Variants in NIN observed in about 807,000 individuals in gnomAD.
NIN encodes the protein ninein.
In NIN, 137 loss-of-function variants were observed where a neutral mutation model predicts 257.6. The ratio of observed to expected loss-of-function variants is 0.53; its 90% CI spans 0.46 to 0.61. The LOEUF (loss-of-function observed/expected upper bound fraction) is 0.61. NIN is among the 20% of genes least tolerant of loss of function. The pLI, the probability that NIN is intolerant of heterozygous loss-of-function variation, is 0.00. For synonymous variants in NIN, 918 were observed against 919.8 expected (o/e 1.00, Z 0.04); for missense variants, 2,439 against 2,501.2 (o/e 0.98, Z 0.53).
At chr14:50,812,972 T>C (rs1368322584) in intron 3 of NIN, among the ~76,000 whole-genome samples, 1 of 152,224 alleles carries the variant, frequency 6.6e-6, no homozygotes, top group Non-Finnish European at 1.5e-5. Flanking sequence ...TTTTCCTTCT[T>C]GCAAGTGTAG....
intron 8 of NIN, 60 bp downstream of exon 8, chr14:50,772,889 C>T (rs542325169): frequency 2.9e-6 from 4 of 1,383,716 alleles, no homozygotes; most frequent in East Asian, 4.6e-5. Context: ...ATTTATTAGA[C>T]ATTACTTAAA....
intron 30 of NIN, 132 bp from the exon 31 acceptor site, chr14:50,723,804 C>T: frequency 1.4e-6 from 1 of 713,840 alleles, no homozygotes; most frequent in Non-Finnish European, 2.3e-6. Flanking sequence ...TTTTATTTTA[C>T]AAAATAGCTT....
chr14:50,802,318 G>T (rs1230760645), intron 4 of NIN, among the ~76,000 whole-genome samples: 1 of 152,038 alleles, frequency 6.6e-6, no homozygotes, highest in Admixed American at 6.6e-5. Flanking sequence ...GGGGAAAAAC[G>T]CTAAGATTCT....
At chr14:50,775,945 C>A (rs764664262) in intron 7 of NIN, among the ~76,000 whole-genome samples, 9 of 151,524 alleles carry the variant, frequency 5.9e-5, no homozygotes, top group Non-Finnish European at 1.3e-4. Flanking sequence ...GGGAAAACAA[C>A]AAAAAAAATT....
At chr14:50,759,550 G>A (rs1343613678) in intron 17 of NIN, among the ~76,000 whole-genome samples, 2 of 150,816 alleles carry the variant, frequency 1.3e-5, no homozygotes, top group Non-Finnish European at 2.9e-5. Context: ...CTGGAGTGCA[G>A]TAGCGCGATC....
intron 12 of NIN, among the ~76,000 whole-genome samples, chr14:50,767,091 T>C (rs1254813344): frequency 6.6e-6 from 1 of 152,238 alleles, no homozygotes; most frequent in East Asian, 1.9e-4. Context: ...TGCCCTTTTG[T>C]TTTTGACCAC....
chr14:50,777,856 C>T (rs2141875565), intron 6 of NIN, among the ~76,000 whole-genome samples: 1 of 152,328 alleles, frequency 6.6e-6, no homozygotes, highest in East Asian at 1.9e-4. Context: ...TCTGTAAAGT[C>T]ATTACTTAAA....
intron 24 of NIN, chr14:50,742,076 T>C: frequency 5.2e-6 from 1 of 190,556 alleles, no homozygotes; most frequent in South Asian, 1.5e-4. Context: ...GATGTTGGAC[T>C]GTAAAGGACC....
At chr14:50,780,369 T>C (rs1214232944) in intron 5 of NIN, among the ~76,000 whole-genome samples, 1 of 152,236 alleles carries the variant, frequency 6.6e-6, no homozygotes, top group African/African-American at 2.4e-5. Flanking sequence ...CAAGACTAGT[T>C]GATTGCTTAG....
intron 15 of NIN, 37 bp downstream of exon 15, chr14:50,763,789 T>C (rs1218814076): frequency 1.1e-5 from 17 of 1,580,110 alleles, no homozygotes; most frequent in Admixed American, 5.1e-5. Flanking sequence ...AAAACAAGAG[T>C]AAAGGCTTTA....
chr14:50,743,251 G>A (rs2041374979), intron 24 of NIN, among the ~76,000 whole-genome samples, 165 bp downstream of exon 24: 1 of 151,984 alleles, frequency 6.6e-6, no homozygotes, highest in Non-Finnish European at 1.5e-5. Context: ...GAGCCACCAT[G>A]CCCAGCCTTG....
chr14:50,813,632 C>A (rs996296527), intron 3 of NIN, among the ~76,000 whole-genome samples: 5 of 152,130 alleles, frequency 3.3e-5, no homozygotes, highest in Admixed American at 1.3e-4. Flanking sequence ...ACCACACACA[C>A]AAAAAAACCC....
At chr14:50,744,142 A>G in intron 23 of NIN, 101 bp downstream of exon 23, 2 of 1,310,578 alleles carry the variant, frequency 1.5e-6, no homozygotes, top group Non-Finnish European at 2.1e-6. Context: ...CTCTGGAACA[A>G]CAGACTACCA....
chr14:50,761,838 TTC>T lies in NIN; in HGVS notation c.1846_1847del (p.Glu616ThrfsTer16). The T allele has an allele frequency of 6.2e-7, 1 of 1,614,202 alleles. No homozygotes were observed. The highest frequency in any genetic ancestry group is 8.5e-7 in the Non-Finnish European group (1 of 1,180,008). On this transcript the variant is annotated frameshift_variant, in exon 16 of 31. Coordinates refer to ENST00000530997, the MANE Select transcript of NIN (RefSeq NM_020921.4). LOFTEE classifies it high-confidence loss of function. ...GGCAACATATGTCCCTGTGATGTTG[TTC>T]TTTCATCTGTTCAATGACCAGCTCT... ...EAELVIEQMKEQHHRDICCLR... is the reference protein window; with the variant it reads ...EAELVIEQMKXQHHRDICCLR...
chr14:50,734,163 C>T (rs759967543), intron 28 of NIN, among the ~76,000 whole-genome samples: 2 of 150,616 alleles, frequency 1.3e-5, no homozygotes, highest in Non-Finnish European at 2.9e-5. Context: ...GATCTCGGCT[C>T]ACTGCAACCT....
chr14:50,752,620 T>A lies in NIN; in HGVS notation c.4848A>T (p.Glu1616Asp), dbSNP rs144418878. ...GCTCTTTTTCCTTCTGGCATAGCAT[T>A]TCTGTTAGACGTTGATTAAGTTCTT... ...KLQELNQRLT[E>D]MLCQKEKEPG... The change falls in exon 21 of 31, where the codon GAA becomes GAT. Residue 1616 changes from glutamate (E) to aspartate (D), a missense_variant. Glu to Asp is a conservative substitution (Grantham distance 45). This residue lies in a region of NIN where 2,043 missense variants were observed against 2,050.2 expected (regional missense o/e 1.00). Transcript: ENST00000530997. The A allele has an allele frequency of 6.2e-7, 1 of 1,614,056 alleles. No individual in the cohort carries two copies. Among genetic ancestry groups the A allele is most frequent in the African/African-American group, 1.3e-5 (1 of 75,056 alleles).
At position 50,725,950 on chromosome 14, in the gene NIN, C is replaced by T; in HGVS notation, c.6192+3G>A. 6.2e-7 allele frequency: 1 copy of T among 1,614,026 alleles called. No homozygotes were observed. The highest frequency in any genetic ancestry group is 8.5e-7 in the Non-Finnish European group (1 of 1,179,926). On this transcript the variant is annotated splice_donor_region_variant and intron_variant, in intron 30 of 30. Coordinates refer to ENST00000530997, the MANE Select transcript of NIN (RefSeq NM_020921.4). ...GTGAACAGAGATGACCGGGTAGGCT[C>T]ACTTGTTCTTTGAGCTGATTCACTT...
intron 22 of NIN, 136 bp downstream of exon 22, chr14:50,747,856 C>CTG: frequency 1.6e-6 from 1 of 620,740 alleles, no homozygotes. Context: ...CTTTGCCAAG[C>CTG]AGTATGTCCT....
In NIN at chr14:50,777,027, G is replaced by A; in HGVS notation, c.588C>T (p.Ile196=). 1 of 1,614,216 alleles carries A rather than the reference G, an allele frequency of 6.2e-7. No individual in the cohort carries two copies. The highest frequency in any genetic ancestry group is 8.5e-7 in the Non-Finnish European group (1 of 1,180,042). Reference sequence around the variant, plus strand: ...TCCGGTTCAGGTGACCATCACGGGTGATCCCCAAATCTTCACAAACTTCTT... The same window carrying A: ...TCCGGTTCAGGTGACCATCACGGGTAATCCCCAAATCTTCACAAACTTCTT... ...KLQEVCEDLG[I]TRDGHLNRKK... Residue 196 remains isoleucine (I), a synonymous_variant, in exon 7 of 31, where the codon ATC becomes ATT. Transcript: ENST00000530997.
Sources: gnomAD v4.1 joint callset for allele counts (sites outside exome capture counted in the v4.1 genomes callset) on GRCh38, gnomAD v4.1.1 for gene constraint, gnomAD v4.1.1 regional missense constraint, MANE v1.5 for transcripts, NCBI Gene and HGNC (gene_info 2026-07-23, HGNC 2026-07-21) for gene names.